KCNK1: variants seen among roughly 807,000 people sequenced by gnomAD.
The protein encoded by KCNK1 is potassium two pore domain channel subfamily K member 1.
Under a neutral mutation model 22.2 loss-of-function variants are expected in KCNK1, and 10 were observed. The observed-to-expected ratio is 0.45, with a 90% CI of 0.28 to 0.76. The LOEUF is 0.76. Among genes scored for constraint, KCNK1 ranks in the 30% least tolerant of loss-of-function variants. KCNK1 has a pLI of 0.14. For missense variants in KCNK1, 378 were observed against 421.0 expected (o/e 0.90, Z 0.89); for synonymous variants, 200 against 186.4 (o/e 1.07, Z -0.60).
At chr1:233,664,817 G>A (rs1462053689) in intron 1 of KCNK1, among the ~76,000 whole-genome samples, 1 of 152,206 alleles carries the variant, frequency 6.6e-6, no homozygotes, top group Non-Finnish European at 1.5e-5. Context: ...TTTAAGCTGA[G>A]TGTATTTTAG....
intron 1 of KCNK1, among the ~76,000 whole-genome samples, chr1:233,617,715 G>A (rs1011196629): frequency 5.3e-5 from 8 of 152,206 alleles, no homozygotes; most frequent in African/African-American, 1.9e-4. Flanking sequence ...CAAGACTGCA[G>A]TGAGCTATGA....
At chr1:233,615,476 G>A (rs913272052) in intron 1 of KCNK1, among the ~76,000 whole-genome samples, 6 of 152,236 alleles carry the variant, frequency 3.9e-5, no homozygotes, top group Admixed American at 3.9e-4. Context: ...CCAGAGTGGA[G>A]ATATCAATTG....
At chr1:233,623,617 C>G (rs1205945196) in intron 1 of KCNK1, among the ~76,000 whole-genome samples, 1 of 152,218 alleles carries the variant, frequency 6.6e-6, no homozygotes, top group African/African-American at 2.4e-5. Flanking sequence ...GAGACGGAGT[C>G]TCGCTCTGTC....
At chr1:233,664,255 G>A (rs1429682013) in intron 1 of KCNK1, among the ~76,000 whole-genome samples, 3 of 152,162 alleles carry the variant, frequency 2.0e-5, no homozygotes, top group East Asian at 1.9e-4. Flanking sequence ...AGTTCAGGTG[G>A]TTCTGTAATA....
intron 1 of KCNK1, among the ~76,000 whole-genome samples, chr1:233,646,753 GA>G (rs566696394): frequency 3.3e-5 from 5 of 152,238 alleles, no homozygotes; most frequent in African/African-American, 1.2e-4. Context: ...GAAGCCAGAG[GA>G]AGAAAGTGTT....
chr1:233,627,644 C>T (rs1400427315), intron 1 of KCNK1, among the ~76,000 whole-genome samples: 1 of 152,124 alleles, frequency 6.6e-6, no homozygotes, highest in Non-Finnish European at 1.5e-5. Context: ...ATGAGCTGAG[C>T]CGTTTCGCAC....
In KCNK1 at chr1:233,631,105, A is replaced by G. The variant is rs143350027; in HGVS notation, c.355+16579A>G. The stretch of plus-strand genomic sequence containing the variant: ...ATGTCACCCTTACTTCTGTTCTTAC[A>G]TGTTCTGACAAGGAAAAGACCGTGC... On this transcript the variant is annotated intron_variant, in intron 1 of 2. Transcript: ENST00000366621. 2.7e-5 allele frequency: 10 copies of G among 377,312 alleles called. No homozygotes were observed. The East Asian group carries it at 3.8e-4, about 14-fold the overall frequency. The allele number at this position is 377,312 out of a possible 1,614,324, so 23.4% of individuals were successfully genotyped here.
intron 1 of KCNK1, among the ~76,000 whole-genome samples, chr1:233,649,167 G>T (rs915465293): frequency 2.0e-5 from 3 of 152,170 alleles, no homozygotes; most frequent in African/African-American, 7.2e-5. Context: ...CAATTAATCT[G>T]CACCCTAGGG....
intron 1 of KCNK1, among the ~76,000 whole-genome samples, chr1:233,654,326 A>G (rs757027026): frequency 6.6e-6 from 1 of 152,212 alleles, no homozygotes; most frequent in Non-Finnish European, 1.5e-5. Context: ...CTGCACGTTC[A>G]GCACATATAT....
chr1:233,652,302 T>C (rs558826139), intron 1 of KCNK1, among the ~76,000 whole-genome samples: 4 of 152,272 alleles, frequency 2.6e-5, no homozygotes, highest in African/African-American at 9.6e-5. Flanking sequence ...TTTTGTTTTC[T>C]ACATTGGCCA....
At chr1:233,633,070 A>G (rs993511715) in intron 1 of KCNK1, among the ~76,000 whole-genome samples, 1 of 151,846 alleles carries the variant, frequency 6.6e-6, no homozygotes, top group East Asian at 1.9e-4. Context: ...TCTGTCTGCC[A>G]TTTCAATGAT....
chr1:233,653,900 G>T (rs1051071781), intron 1 of KCNK1, among the ~76,000 whole-genome samples: 7 of 152,076 alleles, frequency 4.6e-5, no homozygotes, highest in African/African-American at 1.7e-4. Flanking sequence ...AGAAGTGGGA[G>T]TGCTTCTAAC....
intron 1 of KCNK1, among the ~76,000 whole-genome samples, chr1:233,614,818 G>A (rs911290179): frequency 2.6e-5 from 4 of 152,216 alleles, no homozygotes; most frequent in African/African-American, 9.6e-5. Context: ...CTCTGGGGAA[G>A]TGGTCCCTAA....
At chr1:233,630,171 T>C (rs1657766538) in intron 1 of KCNK1, among the ~76,000 whole-genome samples, 1 of 152,218 alleles carries the variant, frequency 6.6e-6, no homozygotes, top group Non-Finnish European at 1.5e-5. Flanking sequence ...GGATGCTGCT[T>C]GTAATTACTG....
intron 1 of KCNK1, chr1:233,630,510 C>T (rs1200801236): frequency 6.6e-6 from 1 of 152,176 alleles, no homozygotes. Context: ...TGCTCTAGGG[C>T]TCCCAATATT....
chr1:233,629,745 G>C (rs1484358017), intron 1 of KCNK1: 4 of 152,212 alleles, frequency 2.6e-5, no homozygotes, highest in Admixed American at 6.5e-5. Flanking sequence ...AGGGTGTGAT[G>C]CTCCGTAGTC....
At chr1:233,631,797 C>T (rs1018846280) in intron 1 of KCNK1, among the ~76,000 whole-genome samples, 2 of 152,160 alleles carry the variant, frequency 1.3e-5, no homozygotes, top group Non-Finnish European at 2.9e-5. Context: ...TGATTACATG[C>T]TGATAGATTC....
intron 1 of KCNK1, among the ~76,000 whole-genome samples, chr1:233,661,246 A>G (rs1048369295): frequency 2.0e-5 from 3 of 152,132 alleles, no homozygotes; most frequent in Non-Finnish European, 4.4e-5. Flanking sequence ...TGGAAACTTC[A>G]TTGCAAAAAG....
intron 1 of KCNK1, among the ~76,000 whole-genome samples, chr1:233,648,118 T>C (rs937150230): frequency 2.6e-5 from 4 of 152,236 alleles, no homozygotes; most frequent in Admixed American, 1.3e-4. Flanking sequence ...CTTTAATGTT[T>C]TGTAAGTGCC....
Sources: allele counts gnomAD v4.1 joint callset (sites outside exome capture counted in the v4.1 genomes callset), GRCh38; gene constraint gnomAD v4.1.1; transcripts MANE v1.5; gene names NCBI Gene and HGNC (gene_info 2026-07-23, HGNC 2026-07-21).